SFI1: variants seen among roughly 807,000 people sequenced by gnomAD.
The protein encoded by SFI1 is protein SFI1 homolog.
SFI1 carries 195 observed loss-of-function variants against 207.5 expected under a neutral mutation model. The observed-to-expected ratio is 0.94, with a 90% CI of 0.84 to 1.06. The LOEUF is 1.06. Ranked by LOEUF, SFI1 falls within the 50% of genes least tolerant of loss-of-function variation. The pLI is 0.00. For missense variants in SFI1, 1,634 were observed against 1,588.0 expected, an observed-to-expected ratio of 1.03 and a Z score of -0.49; for synonymous variants, 630 against 598.9, an observed-to-expected ratio of 1.05 and a Z score of -0.76.
chr22:31,602,899 G>T, intron 17 of SFI1, 114 bp downstream of exon 17: 1 of 1,218,914 alleles, frequency 8.2e-7, no homozygotes. Context: ...CCCAGACTCT[G>T]GTTGTAAGTT....
rs989682158 is a variant in SFI1, at chr22:31,556,832, G to A, written c.545-110G>A. 39 of 664,308 alleles carry A rather than the reference G, an allele frequency of 5.9e-5. No individual in the cohort carries two copies. In the African/African-American group the frequency reaches 6.9e-4, roughly 12 times the overall value. 41.2% of individuals were successfully genotyped at this position (664,308 alleles called of 1,614,324 possible). On this transcript the variant is annotated intron_variant, in intron 6 of 32. Transcript: ENST00000400288. ...ACAACTTTTCCAGCAGGGGTCACTT[G>A]TAGGCTGGAGGGATTTAGGTATTCA...
At chr22:31,583,687 T>A (rs2064644759) in intron 12 of SFI1, among the ~76,000 whole-genome samples, 188 bp from the exon 13 acceptor site, 1 of 152,368 alleles carries the variant, frequency 6.6e-6, no homozygotes, top group South Asian at 2.1e-4. Context: ...AACCATCTTT[T>A]TGCCTTTTAT....
chr22:31,608,059 A>T lies in SFI1; in HGVS notation c.2254+26A>T, dbSNP rs2069364182. ...GTAAGTGGGGCCCCAGAAGCAAGTC[A>T]TGTTGAGGAATGTGAAGACAGCGCT... is the stretch of plus-strand genomic sequence containing the variant. On this transcript the variant is annotated intron_variant, in intron 22 of 32. Coordinates refer to ENST00000400288, the MANE Select transcript of SFI1 (RefSeq NM_001007467.3). 6 of 1,578,856 alleles carry T rather than the reference A, an allele frequency of 3.8e-6. No homozygotes were observed. The East Asian group carries it at 1.3e-4, about 35-fold the overall frequency.
chr22:31,590,876 T>A (rs1023234578), intron 15 of SFI1, among the ~76,000 whole-genome samples: 3 of 150,386 alleles, frequency 2.0e-5, no homozygotes, highest in Non-Finnish European at 4.4e-5. Context: ...TTATATATAT[T>A]TTTAAATTTG....
In SFI1 at chr22:31,605,050, C is replaced by T. The variant is rs183674062; in HGVS notation, c.2054+105C>T. The T allele has an allele frequency of 2.3e-4, 244 of 1,038,702 alleles. 1 individual carries two copies. The African/African-American group carries it at 3.6e-3, about 15-fold the overall frequency. The allele number at this position is 1,038,702 out of a possible 1,614,324, so 64.3% of individuals were successfully genotyped here. A position where few individuals can be genotyped will look rare whatever the true frequency, so the allele number is the denominator to read the frequency against. ...GCTGAGGGCCAGGTCGGGGATGATC[C>T]CGGGTTCCTAGTCGCTAATATCATG... On this transcript the variant is annotated intron_variant, in intron 20 of 32. Coordinates refer to ENST00000400288, the MANE Select transcript of SFI1 (RefSeq NM_001007467.3).
chr22:31,546,892 G>A lies in SFI1; in HGVS notation c.370G>A (p.Val124Ile). 2 of 1,612,182 alleles carry A rather than the reference G, an allele frequency of 1.2e-6. No individual in the cohort carries two copies. The highest frequency in any genetic ancestry group is 1.7e-6 in the Non-Finnish European group (2 of 1,179,152). Residue 124 changes from valine to isoleucine, a missense_variant, in exon 5 of 33, where the codon GTC becomes ATC. Coordinates refer to ENST00000400288, the MANE Select transcript of SFI1 (RefSeq NM_001007467.3). ...FYYEQRLLRK[V>I]FEEWKEEWWV... ...CTATGAGCAGCGATTACTACGGAAG[G>A]TCTTCGAAGAATGGAAAGAGGAGTG...
At chr22:31,543,530 T>C (rs1484997587) in intron 4 of SFI1, among the ~76,000 whole-genome samples, 1 of 152,206 alleles carries the variant, frequency 6.6e-6, no homozygotes, top group Non-Finnish European at 1.5e-5. Context: ...GTGAGTGGAA[T>C]TGAGCATGGT....
At chr22:31,500,577 C>T (rs34360137) in intron 1 of SFI1, among the ~76,000 whole-genome samples, 3,569 of 152,206 alleles carry the variant, frequency 0.023, 126 homozygotes, top group African/African-American at 0.081. Context: ...CCTGCCTCAG[C>T]CTCCTGAGTA....
At chr22:31,509,977 G>A (rs2055247151) in intron 2 of SFI1, among the ~76,000 whole-genome samples, 1 of 151,952 alleles carries the variant, frequency 6.6e-6, no homozygotes, top group African/African-American at 2.4e-5. Context: ...CTGGAGTGCA[G>A]TGGTACAGTC....
In SFI1 at chr22:31,612,395, A is replaced by AT. The variant is rs2070408867; in HGVS notation, c.2490+555_2490+556insT. 8.4e-4 allele frequency: 92 copies of AT among 110,002 alleles called. 1 individual carries two copies. Among genetic ancestry groups the AT allele is most frequent in the Non-Finnish European group, 1.5e-3 (81 of 55,140 alleles). The allele number at this position is 110,002 out of a possible 1,614,324, so 6.8% of individuals were successfully genotyped here. A position where few individuals can be genotyped will look rare whatever the true frequency, so the allele number is the denominator to read the frequency against. On this transcript the variant is annotated intron_variant, in intron 24 of 32. Transcript: ENST00000400288. ...ACTCTGTCTAAAAAAAAAAAAAAAA[A>AT]AAAATATATATATATATATATATAT...
Position 31,618,176 on chromosome 22 carries a change from G to T in SFI1, c.3574G>T (p.Gly1192Trp). ...RWLELNREEPGPEDQEVEQQV... is the reference protein window; with the variant it reads ...RWLELNREEPWPEDQEVEQQV... ...GCTGGAGCTGAACAGAGAGGAGCCG[G>T]GGCCTGAGGACCAGGAAGTAGAGCA... The change falls in exon 32 of 33, where the codon GGG becomes TGG. Residue 1192 changes from glycine to tryptophan, a missense_variant. By Grantham distance (184) the Gly-to-Trp change is radical (BLOSUM62 -2). Transcript: ENST00000400288. 1 of 1,595,414 alleles carries T rather than the reference G, an allele frequency of 6.3e-7. No homozygotes were observed. The highest frequency in any genetic ancestry group is 8.5e-7 in the Non-Finnish European group (1 of 1,173,046).
At chr22:31,519,740 A>G (rs1330181974) in intron 2 of SFI1, among the ~76,000 whole-genome samples, 1 of 151,448 alleles carries the variant, frequency 6.6e-6, no homozygotes, top group Non-Finnish European at 1.5e-5. Flanking sequence ...ACCCGGCCTA[A>G]TTTTTTAATT....
chr22:31,601,964 A>G (rs977825816), intron 15 of SFI1, among the ~76,000 whole-genome samples: 1 of 151,528 alleles, frequency 6.6e-6, no homozygotes, highest in South Asian at 2.1e-4. Context: ...AGCAATTTTA[A>G]AATTTTTTTG....
chr22:31,614,993 G>C (rs1257686472), intron 28 of SFI1, 55 bp from the exon 29 acceptor site: 1 of 1,585,548 alleles, frequency 6.3e-7, no homozygotes, highest in East Asian at 2.3e-5. Flanking sequence ...CTTGTTCTTT[G>C]GTCCCAGAGG....
At chr22:31,524,484 G>A (rs1235836933) in intron 2 of SFI1, among the ~76,000 whole-genome samples, 1 of 151,258 alleles carries the variant, frequency 6.6e-6, no homozygotes, top group Non-Finnish European at 1.5e-5. Flanking sequence ...GTACAGTGGT[G>A]GGATCTCAGC....
At chr22:31,496,161 T>C (rs1042528539), upstream of SFI1, 3 of 152,382 alleles carry the variant, frequency 2.0e-5, no homozygotes, top group African/African-American at 4.8e-5. Context: ...GGGAGGACTT[T>C]CGTACGCAGC....
rs1224154534 is a variant in SFI1, at chr22:31,614,726, G to T, written c.2997-63G>T. On this transcript the variant is annotated intron_variant, in intron 27 of 32. Coordinates refer to ENST00000400288, the MANE Select transcript of SFI1 (RefSeq NM_001007467.3). ...CCTATAAAATTGGAGATCCCACAGAGATCTCAGACCCCCCTGCAGCCCCTG... is the reference window on the plus strand; with the variant it reads ...CCTATAAAATTGGAGATCCCACAGATATCTCAGACCCCCCTGCAGCCCCTG... 3.8e-6 allele frequency: 6 copies of T among 1,571,560 alleles called. No individual in the cohort carries two copies. In the South Asian group the frequency reaches 5.6e-5, roughly 15 times the overall value.
At chr22:31,554,990 G>C (rs1032353256) in intron 6 of SFI1, among the ~76,000 whole-genome samples, 4 of 152,004 alleles carry the variant, frequency 2.6e-5, no homozygotes, top group African/African-American at 4.8e-5. Context: ...TTCTGTTAAG[G>C]ATTTCTAGTT....
chr22:31,611,158 G>C lies in SFI1; in HGVS notation c.2270G>C (p.Trp757Ser). The change falls in exon 23 of 33, where the codon TGG (tryptophan) becomes TCG (serine). Residue 757 changes from tryptophan to serine, a missense_variant. Transcript: ENST00000400288. ...TCTGCCTTAGGCTGTCTGCGGACCT[G>C]GTTTCAGCGCTGGTGGGACTGCAGC... The part of the protein sequence containing the change: ...KVLDRGCLRT[W>S]FQRWWDCSRR... 6.2e-7 allele frequency: 1 copy of C among 1,614,212 alleles called. No homozygotes were observed. Among genetic ancestry groups the C allele is most frequent in the Non-Finnish European group, 8.5e-7 (1 of 1,180,048 alleles).
Sources: allele counts gnomAD v4.1 joint callset (sites outside exome capture counted in the v4.1 genomes callset), GRCh38; gene constraint gnomAD v4.1.1; transcripts MANE v1.5; gene names NCBI Gene and HGNC (gene_info 2026-07-23, HGNC 2026-07-21).